SYT1: variants seen among roughly 807,000 people sequenced by gnomAD.
SYT1 encodes synaptotagmin-1.
Under a neutral mutation model 44.8 loss-of-function variants are expected in SYT1, and 8 were observed. That is an observed-to-expected ratio of 0.18 (90% CI 0.10 to 0.32). SYT1 has a LOEUF of 0.32. Ranked by LOEUF, SYT1 falls within the 10% of genes least tolerant of loss-of-function variation. The pLI is 1.00. For synonymous variants in SYT1, 154 were observed against 188.8 expected (o/e 0.82, Z 1.51); for missense variants, 286 against 509.3 (o/e 0.56, Z 4.22).
intron 2 of SYT1, among the ~76,000 whole-genome samples, chr12:78,984,293 G>A (rs2137453416): frequency 6.6e-6 from 1 of 152,002 alleles, no homozygotes; most frequent in South Asian, 2.1e-4. Context: ...TAGCAACACA[G>A]TGGTATATTT....
chr12:79,096,428 C>T (rs1286978725), intron 3 of SYT1, among the ~76,000 whole-genome samples: 3 of 151,888 alleles, frequency 2.0e-5, no homozygotes, highest in Non-Finnish European at 4.4e-5. Context: ...GAACAATATA[C>T]CAGCTAGCAG....
chr12:79,188,331 C>T (rs1872920307), intron 3 of SYT1, among the ~76,000 whole-genome samples: 2 of 152,062 alleles, frequency 1.3e-5, no homozygotes, highest in African/African-American at 4.8e-5. Flanking sequence ...GTATCTGGAA[C>T]ATCTGAGTGC....
intron 2 of SYT1, among the ~76,000 whole-genome samples, chr12:78,986,247 T>C (rs1869633004): frequency 6.6e-6 from 1 of 152,052 alleles, no homozygotes; most frequent in Non-Finnish European, 1.5e-5. Flanking sequence ...CATAATTTTA[T>C]TGCTATGTAA....
chr12:79,181,049 C>G (rs1046888611), intron 3 of SYT1, among the ~76,000 whole-genome samples: 2 of 152,060 alleles, frequency 1.3e-5, no homozygotes, highest in African/African-American at 2.4e-5. Flanking sequence ...TATATGCGTC[C>G]TCTCTGCCAT....
At chr12:78,947,511 G>T (rs1051025686) in intron 1 of SYT1, among the ~76,000 whole-genome samples, 1 of 110,806 alleles carries the variant, frequency 9.0e-6, no homozygotes, top group Non-Finnish European at 1.7e-5. Flanking sequence ...CTGACAAAAG[G>T]TTGAATCTAG....
At chr12:78,914,345 A>G (rs897179678) in intron 1 of SYT1, among the ~76,000 whole-genome samples, 2 of 151,918 alleles carry the variant, frequency 1.3e-5, no homozygotes, top group Non-Finnish European at 2.9e-5. Context: ...TAGAAACACA[A>G]TGGAAAAATT....
chr12:79,084,811 A>T (rs913322997), intron 3 of SYT1, among the ~76,000 whole-genome samples: 1 of 152,140 alleles, frequency 6.6e-6, no homozygotes, highest in Non-Finnish European at 1.5e-5. Flanking sequence ...ATAGAATTTG[A>T]TATAGATAAA....
intron 4 of SYT1, among the ~76,000 whole-genome samples, chr12:79,270,616 T>G (rs1334680418): frequency 6.6e-6 from 1 of 152,176 alleles, no homozygotes; most frequent in Admixed American, 6.5e-5. Flanking sequence ...AAATCTGCCC[T>G]TAAAAGTGAA....
At chr12:79,168,794 T>C (rs1045899673) in intron 3 of SYT1, among the ~76,000 whole-genome samples, 5 of 152,044 alleles carry the variant, frequency 3.3e-5, no homozygotes, top group Non-Finnish European at 5.9e-5. Context: ...GGTAATTATC[T>C]ATAGGTTTGC....
intron 3 of SYT1, among the ~76,000 whole-genome samples, chr12:79,072,847 G>C (rs1876378529): frequency 6.6e-6 from 1 of 152,088 alleles, no homozygotes; most frequent in Non-Finnish European, 1.5e-5. Context: ...ACACAGCAAT[G>C]AACACAATGT....
intron 4 of SYT1, among the ~76,000 whole-genome samples, chr12:79,253,486 T>TCTCTCC (rs1464956353): frequency 9.5e-5 from 2 of 21,138 alleles, no homozygotes; most frequent in Non-Finnish European, 1.8e-4. Flanking sequence ...TTGCCCAGTC[T>TCTCTCC]CTCTCTCTCT....
At chr12:79,253,520 TC>T (rs1565877277) in intron 4 of SYT1, among the ~76,000 whole-genome samples, 73 of 140,948 alleles carry the variant, frequency 5.2e-4, no homozygotes, top group South Asian at 6.7e-4. Context: ...TCTCTCTCTC[TC>T]TCTCACCTCA....
intron 4 of SYT1, among the ~76,000 whole-genome samples, chr12:79,251,795 T>G (rs1211554738): frequency 6.6e-6 from 1 of 152,202 alleles, no homozygotes; most frequent in Non-Finnish European, 1.5e-5. Flanking sequence ...ACTTTGCTTT[T>G]CTGTTTTATG....
chr12:78,911,811 G>T (rs146368310), intron 1 of SYT1, among the ~76,000 whole-genome samples: 2 of 152,034 alleles, frequency 1.3e-5, no homozygotes, highest in East Asian at 3.9e-4. Context: ...AAACATTTGC[G>T]ATTGCCTCAT....
intron 9 of SYT1, among the ~76,000 whole-genome samples, chr12:79,378,011 A>G (rs1333517374): frequency 6.6e-6 from 1 of 152,202 alleles, no homozygotes; most frequent in Non-Finnish European, 1.5e-5. Flanking sequence ...CACTCCCAAT[A>G]CATTTAAAAG....
intron 1 of SYT1, among the ~76,000 whole-genome samples, chr12:78,951,211 C>A (rs1395059182): frequency 2.6e-5 from 4 of 152,026 alleles, no homozygotes; most frequent in African/African-American, 9.7e-5. Flanking sequence ...CAACTATTTT[C>A]TTTTCTTTTG....
chr12:79,219,276 C>A (rs1184937978), intron 4 of SYT1, among the ~76,000 whole-genome samples: 1 of 151,990 alleles, frequency 6.6e-6, no homozygotes, highest in Non-Finnish European at 1.5e-5. Flanking sequence ...GTATAGTTTG[C>A]AAATATTTTC....
At chr12:79,340,549 A>C (rs542654657) in intron 8 of SYT1, among the ~76,000 whole-genome samples, 26 of 152,298 alleles carry the variant, frequency 1.7e-4, no homozygotes, top group African/African-American at 6.0e-4. Context: ...GTTGCTTATC[A>C]GCTTAAGGAG....
At chr12:79,267,339 G>A (rs1361221392) in intron 4 of SYT1, among the ~76,000 whole-genome samples, 1 of 152,080 alleles carries the variant, frequency 6.6e-6, no homozygotes, top group Non-Finnish European at 1.5e-5. Flanking sequence ...TCAATTCTTG[G>A]AATGAATTTC....
Sources: gnomAD v4.1 joint callset for allele counts (sites outside exome capture counted in the v4.1 genomes callset) on GRCh38, gnomAD v4.1.1 for gene constraint, MANE v1.5 for transcripts, NCBI Gene and HGNC (gene_info 2026-07-23, HGNC 2026-07-21) for gene names.